NOMO3: variants seen among roughly 807,000 people sequenced by gnomAD.
NOMO3 encodes the protein BOS complex subunit NOMO3.
Under a neutral mutation model 69.9 loss-of-function variants are expected in NOMO3, and 15 were observed. That is an observed-to-expected ratio of 0.21 (90% confidence interval 0.14 to 0.33). The LOEUF is 0.33. Ranked by LOEUF, NOMO3 falls within the 10% of genes least tolerant of loss-of-function variation. The pLI is 1.00. For missense variants in NOMO3, 218 were observed against 761.0 expected (o/e 0.29, Z 8.39); for synonymous variants, 89 against 301.9 (o/e 0.29, Z 7.31).
At chr16:16,238,721 G>A (rs1022057389) in intron 2 of NOMO3, among the ~76,000 whole-genome samples, 3 of 141,936 alleles carry the variant, frequency 2.1e-5, no homozygotes, top group Admixed American at 1.4e-4. Context: ...TCTAGAGATG[G>A]ACTAGCTGGG....
rs1267495223 is a variant in NOMO3 at position 16,232,567 on chromosome 16, G to A, written c.-100G>A. 6 of 1,173,560 alleles carry A rather than the reference G, an allele frequency of 5.1e-6. No individual in the cohort carries two copies. In the South Asian group the frequency reaches 9.6e-5, roughly 19 times the overall value. The allele number at this position is 1,173,560 out of a possible 1,614,324, so 72.7% of individuals were successfully genotyped here. A position where few individuals can be genotyped will look rare whatever the true frequency, so the allele number is the denominator to read the frequency against. ...GGCGGCGGCGGTGGGGCGGGGCCTG[G>A]GCTGTCAGCCGGCCTAGGAGGAGGA... is the stretch of plus-strand genomic sequence containing the variant. On this transcript the variant is annotated 5_prime_UTR_variant, in exon 1 of 31. Transcript: ENST00000399336.
intron 10 of NOMO3, 31 bp downstream of exon 10, chr16:16,255,856 G>A: frequency 6.6e-7 from 1 of 1,508,380 alleles, no homozygotes; most frequent in Non-Finnish European, 8.9e-7. Context: ...CAGGCTGATG[G>A]CCAGCGCTCT....
intron 11 of NOMO3, among the ~76,000 whole-genome samples, chr16:16,258,349 C>T (rs1232442168): frequency 7.6e-6 from 1 of 131,398 alleles, no homozygotes; most frequent in Non-Finnish European, 1.5e-5. Flanking sequence ...CTCTGCAAGG[C>T]TCTCTGGGTT....
intron 9 of NOMO3, among the ~76,000 whole-genome samples, chr16:16,254,738 A>T (rs751808839): frequency 4.9e-5 from 7 of 144,290 alleles, no homozygotes; most frequent in Non-Finnish European, 1.0e-4. Context: ...TTTGATGAAG[A>T]TATTAAAATA....
At chr16:16,252,990 T>C (rs2049477484) in intron 9 of NOMO3, among the ~76,000 whole-genome samples, 1 of 133,796 alleles carries the variant, frequency 7.5e-6, no homozygotes. Context: ...CGTGCCACCA[T>C]GCCCAGCTAA....
intron 16 of NOMO3, among the ~76,000 whole-genome samples, chr16:16,269,453 T>C (rs2049645075): frequency 7.3e-6 from 1 of 137,374 alleles, no homozygotes; most frequent in Non-Finnish European, 1.5e-5. Flanking sequence ...TTTTTTTTGA[T>C]GGTAACTACT....
At chr16:16,268,580 C>G (rs1276261314) in intron 16 of NOMO3, among the ~76,000 whole-genome samples, 1 of 143,158 alleles carries the variant, frequency 7.0e-6, no homozygotes, top group Non-Finnish European at 1.5e-5. Flanking sequence ...CTGCCACTGT[C>G]TCTACTCCAG....
intron 6 of NOMO3, among the ~76,000 whole-genome samples, chr16:16,248,358 T>A (rs1233212204): frequency 2.2e-5 from 3 of 137,958 alleles, no homozygotes; most frequent in African/African-American, 8.6e-5. Flanking sequence ...AGTGGTGGGA[T>A]TACAGGTATA....
In NOMO3 at chr16:16,238,830, C is replaced by G. The variant is rs1338104361; in HGVS notation, c.256-1021C>G. On this transcript the variant is annotated intron_variant, in intron 2 of 30. Transcript: ENST00000399336. ...TGGTAGCTCATGCCTGTAATCCTAG[C>G]ACTTTGGGAGGTTGAGGTAGGTGGA... Among the ~76,000 whole-genome samples the G allele has an allele frequency of 1.5e-5, 2 of 130,574 alleles. 1 individual carries two copies. The highest frequency in any genetic ancestry group is 4.9e-4 in the East Asian group (2 of 4,112). 85.7% of individuals were successfully genotyped at this position (130,574 alleles called of 152,430 possible). A position where few individuals can be genotyped will look rare whatever the true frequency, so the allele number is the denominator to read the frequency against.
At chr16:16,266,429 A>G (rs1407619315) in intron 15 of NOMO3, among the ~76,000 whole-genome samples, 1 of 61,474 alleles carries the variant, frequency 1.6e-5, no homozygotes, top group African/African-American at 8.7e-5. Flanking sequence ...CCCCTTCTTT[A>G]TCTCCTCCCA....
intron 1 of NOMO3, among the ~76,000 whole-genome samples, chr16:16,234,844 T>C (rs2049314016): frequency 6.6e-6 from 1 of 151,932 alleles, no homozygotes; most frequent in Non-Finnish European, 1.5e-5. Flanking sequence ...TTATACTGGT[T>C]GCTAATACTT....
At chr16:16,262,638 GC>G (rs2049573966) in intron 12 of NOMO3, among the ~76,000 whole-genome samples, 1 of 105,576 alleles carries the variant, frequency 9.5e-6, no homozygotes, top group African/African-American at 4.7e-5. Context: ...CCTCTTCTTA[GC>G]CCATGAAAGG....
intron 4 of NOMO3, 44 bp downstream of exon 4, chr16:16,243,305 T>C: frequency 1.6e-6 from 1 of 606,446 alleles, no homozygotes; most frequent in Non-Finnish European, 2.8e-6. Context: ...CACTCTATAA[T>C]GTATACTAAA....
chr16:16,240,593 C>T (rs2049367347), intron 3 of NOMO3, among the ~76,000 whole-genome samples: 1 of 144,716 alleles, frequency 6.9e-6, no homozygotes, highest in African/African-American at 2.8e-5. Context: ...TCAAGCATAG[C>T]TGGGGAGTTG....
Position 16,262,932 on chromosome 16 carries a change from A to C in NOMO3, c.1396-142A>C. On this transcript the variant is annotated intron_variant, in intron 12 of 30. Coordinates refer to ENST00000399336, the MANE Select transcript of NOMO3 (RefSeq NM_001004067.4). ...ACAAGTTATTCGTGGATTTGTTGTG[A>C]TTGTAAAATCAGCCTGGAAACGAAC... is the stretch of plus-strand genomic sequence containing the variant. 5 of 1,432,662 alleles carry C rather than the reference A, an allele frequency of 3.5e-6. 1 individual carries two copies. In the South Asian group the frequency reaches 5.5e-5, roughly 16 times the overall value. The allele number at this position is 1,432,662 out of a possible 1,614,324, so 88.7% of individuals were successfully genotyped here.
rs1049443563 is a variant in NOMO3 at position 16,252,810 on chromosome 16, C to A, written c.963+288C>A. Among the ~76,000 whole-genome samples the A allele has an allele frequency of 7.1e-4, 66 of 92,566 alleles. 10 individuals carry two copies. The East Asian group carries it at 0.021, about 29-fold the overall frequency. 60.7% of individuals were successfully genotyped at this position (92,566 alleles called of 152,430 possible). ...GCAGTGACCAAAAGAGGCAAAAATTCTTGTCCCTGTGGACCTCATTTTTTT... is the reference window on the plus strand; with the variant it reads ...GCAGTGACCAAAAGAGGCAAAAATTATTGTCCCTGTGGACCTCATTTTTTT... On this transcript the variant is annotated intron_variant, in intron 9 of 30. Transcript: ENST00000399336.
intron 11 of NOMO3, 65 bp downstream of exon 11, chr16:16,256,223 G>A: frequency 6.4e-7 from 1 of 1,551,314 alleles, no homozygotes; most frequent in Non-Finnish European, 8.7e-7. Flanking sequence ...AGAACCAAAT[G>A]ACCTGTGATC....
chr16:16,233,604 A>G (rs1596795056), intron 1 of NOMO3, among the ~76,000 whole-genome samples: 2 of 77,976 alleles, frequency 2.6e-5, no homozygotes, highest in East Asian at 3.4e-4. Flanking sequence ...GAGGAAAGGG[A>G]TGGATGGAGG....
intron 9 of NOMO3, among the ~76,000 whole-genome samples, chr16:16,254,468 C>T (rs1267873218): frequency 7.1e-6 from 1 of 140,826 alleles, no homozygotes; most frequent in Admixed American, 6.8e-5. Context: ...ACTAAGAAAC[C>T]ATTTGCTGAA....
Sources: gnomAD v4.1 joint callset for allele counts (sites outside exome capture counted in the v4.1 genomes callset) on GRCh38, gnomAD v4.1.1 for gene constraint, MANE v1.5 for transcripts, NCBI Gene and HGNC (gene_info 2026-07-23, HGNC 2026-07-21) for gene names.